Variants in MIEF2 observed in about 807,000 individuals in gnomAD.
MIEF2 encodes the protein mitochondrial elongation factor 2.
Under a neutral mutation model 7.4 loss-of-function variants are expected in MIEF2, and 1 was observed. The observed-to-expected ratio is 0.14, with a 90% CI of 0.05 to 0.64. The LOEUF is 0.64. Among genes scored for constraint, MIEF2 ranks in the 30% least tolerant of loss-of-function variants. The pLI is 0.85. For synonymous variants in MIEF2, 275 were observed against 290.5 expected, an observed-to-expected ratio of 0.95 and a Z score of 0.54; for missense variants, 569 against 623.9, an observed-to-expected ratio of 0.91 and a Z score of 0.94.
chr17:18,266,198 C>CT lies in MIEF2; in HGVS notation c.*1435dup, dbSNP rs559522985. 253 of 151,934 alleles carry CT rather than the reference C, an allele frequency of 1.7e-3. No homozygotes were observed. The highest frequency in any genetic ancestry group is 5.6e-3 in the African/African-American group (232 of 41,408). 9.4% of individuals were successfully genotyped at this position (151,934 alleles called of 1,614,324 possible). A position where few individuals can be genotyped will look rare whatever the true frequency, so the allele number is the denominator to read the frequency against. ...TCCAGACTGGCGACAGAGCAAGACT[C>CT]TGTCTCAAAAAAATAAATAAATAAG... On this transcript the variant is annotated 3_prime_UTR_variant, in exon 4 of 4. Transcript: ENST00000323019.
intron 1 of MIEF2, chr17:18,261,040 G>C (rs560643122): frequency 6.7e-7 from 1 of 1,486,286 alleles, no homozygotes; most frequent in African/African-American, 1.4e-5. Flanking sequence ...CCAGGGCCCC[G>C]CTGCGCAAAC....
intron 1 of MIEF2, chr17:18,261,085 C>A (rs1251852201): frequency 1.3e-6 from 2 of 1,550,260 alleles, no homozygotes; most frequent in Admixed American, 2.0e-5. Context: ...CCCTTTCCTG[C>A]TTCTCGGAGC....
rs773622162 is a variant in MIEF2 at position 18,263,235 on chromosome 17, G to A, written c.297G>A (p.Ser99=). 2.1e-5 allele frequency: 34 copies of A among 1,613,696 alleles called. No individual in the cohort carries two copies. The highest frequency in any genetic ancestry group is 1.6e-4 in the African/African-American group (12 of 74,926). Residue 99 remains serine (S), a synonymous_variant, in exon 3 of 4, where the codon TCG becomes TCA. Coordinates refer to ENST00000323019, the MANE Select transcript of MIEF2 (RefSeq NM_139162.4). ...LSQPVLPLAP[S]SSAPEGPAET... is the part of the protein sequence containing the mutation. ...AGCCAGTGTTGCCCTTGGCCCCCTC[G>A]TCGTCTGCCCCAGGTGAGTGGCACT...
At chr17:18,261,294 G>T in intron 1 of MIEF2, 1 of 1,107,530 alleles carries the variant, frequency 9.0e-7, no homozygotes, top group Admixed American at 2.1e-5. Flanking sequence ...CGGGTCACCC[G>T]GTTGGCCTGG....
In MIEF2 at chr17:18,261,309, G is replaced by A. The variant is rs977724029; in HGVS notation, c.-8+572G>A. 8.2e-5 allele frequency: 76 copies of A among 925,202 alleles called. No individual in the cohort carries two copies. The East Asian group carries it at 2.0e-3, about 24-fold the overall frequency. The allele number at this position is 925,202 out of a possible 1,614,324, so 57.3% of individuals were successfully genotyped here. On this transcript the variant is annotated intron_variant, in intron 1 of 3. Transcript: ENST00000323019. ...CGGGTCACCCGGTTGGCCTGGGATC[G>A]CCCCAGAGACCGTCTTATTTTTAGT...
At position 18,266,535 on chromosome 17, in the gene MIEF2, A is replaced by G. The variant is rs921316820; in HGVS notation, c.*1771A>G. The G allele has an allele frequency of 2.0e-5, 3 of 152,220 alleles. No individual in the cohort carries two copies. Among genetic ancestry groups the G allele is most frequent in the African/African-American group, 2.4e-5 (1 of 41,504 alleles). The allele number at this position is 152,220 out of a possible 1,614,324, so 9.4% of individuals were successfully genotyped here. ...GTCTCAAAATAAAATAAAATAAAAT[A>G]ATAATAGTAATAATAAATTAGCATC... On this transcript the variant is annotated 3_prime_UTR_variant, in exon 4 of 4. Transcript: ENST00000323019.
At chr17:18,263,064 A>C (rs1180553598) in intron 2 of MIEF2, 22 bp from the exon 3 acceptor site, 2 of 1,611,186 alleles carry the variant, frequency 1.2e-6, no homozygotes, top group Admixed American at 3.3e-5. Context: ...ATATACACTG[A>C]TCTGTGTGAC....
chr17:18,264,719 C>T lies in MIEF2; in HGVS notation c.1320C>T (p.Gly440=). The T allele has an allele frequency of 6.2e-7, 1 of 1,612,686 alleles. No individual in the cohort carries two copies. The highest frequency in any genetic ancestry group is 8.5e-7 in the Non-Finnish European group (1 of 1,180,004). ...SLREEEIDDI[G]YALYSGLQEP... ...GTGAGGAGGAGATTGACGACATTGGCTATGCGCTATACAGTGGCCTACAGG... is the reference window on the plus strand; with the variant it reads ...GTGAGGAGGAGATTGACGACATTGGTTATGCGCTATACAGTGGCCTACAGG... The change falls in exon 4 of 4, where the codon GGC becomes GGT. Residue 440 remains glycine, a synonymous_variant. Coordinates refer to ENST00000323019, the MANE Select transcript of MIEF2 (RefSeq NM_139162.4).
At chr17:18,262,124 T>A (rs2142902403) in intron 1 of MIEF2, among the ~76,000 whole-genome samples, 3 of 152,302 alleles carry the variant, frequency 2.0e-5, no homozygotes, top group Admixed American at 2.0e-4. Flanking sequence ...CTGTGCCCTC[T>A]GGGTAGGAAC....
rs1978693332 is a variant in MIEF2 at position 18,265,390 on chromosome 17, C to T, written c.*626C>T. 1 of 151,980 alleles carries T rather than the reference C, an allele frequency of 6.6e-6. No homozygotes were observed. The highest frequency in any genetic ancestry group is 1.5e-5 in the Non-Finnish European group (1 of 68,140). The allele number at this position is 151,980 out of a possible 1,614,324, so 9.4% of individuals were successfully genotyped here. ...ACCCACCTGATACCTCAGGGCAAGG[C>T]CCTTTTTCCCTCCAGCCAGGTGAGT... is the stretch of plus-strand genomic sequence containing the variant. On this transcript the variant is annotated 3_prime_UTR_variant, in exon 4 of 4. Transcript: ENST00000323019.
At chr17:18,263,653 GT>G in intron 3 of MIEF2, 56 bp from the exon 4 acceptor site, 1 of 1,486,448 alleles carries the variant, frequency 6.7e-7, no homozygotes. Flanking sequence ...TCTCGGTGGC[GT>G]TTTCTTAACT....
At position 18,264,175 on chromosome 17, in the gene MIEF2, G is replaced by A. The variant is rs112403499; in HGVS notation, c.776G>A (p.Arg259His). ...LSSRVLLELL[R>H]KALAASVNWP... ...TCCCGCGTCCTGCTGGAGCTACTCC[G>A]CAAGGCGCTGGCTGCTTCTGTCAAC... Residue 259 changes from arginine (R) to histidine (H), a missense_variant, in exon 4 of 4, where the codon CGC (arginine) becomes CAC (histidine). Transcript: ENST00000323019. 14 of 1,591,914 alleles carry A rather than the reference G, an allele frequency of 8.8e-6. No homozygotes were observed. In the African/African-American group the frequency reaches 1.2e-4, roughly 14 times the overall value.
rs1030544745 is a variant in MIEF2 at position 18,264,814 on chromosome 17, C to T, written c.*50C>T. 1.3e-6 allele frequency: 2 copies of T among 1,560,378 alleles called. No homozygotes were observed. Among genetic ancestry groups the T allele is most frequent in the South Asian group, 1.2e-5 (1 of 84,482 alleles). Reference sequence around the variant, plus strand: ...TGTTTTCTAATGCTGGGGAGCTGCACCCACCTCCCTTCCAGGGATTTGAAT... The same window carrying T: ...TGTTTTCTAATGCTGGGGAGCTGCATCCACCTCCCTTCCAGGGATTTGAAT... On this transcript the variant is annotated 3_prime_UTR_variant, in exon 4 of 4. Transcript: ENST00000323019.
intron 1 of MIEF2, 149 bp from the exon 2 acceptor site, chr17:18,262,565 T>A: frequency 1.4e-6 from 1 of 710,096 alleles, no homozygotes; most frequent in Non-Finnish European, 2.1e-6. Context: ...GGGTGGCCCC[T>A]TTCTCTGAGA....
Position 18,263,752 on chromosome 17 carries a change from G to C in MIEF2, c.353G>C (p.Ser118Thr). The C allele has an allele frequency of 6.2e-7, 1 of 1,600,818 alleles. No homozygotes were observed. The highest frequency in any genetic ancestry group is 1.3e-5 in the African/African-American group (1 of 74,832). Residue 118 changes from serine (S) to threonine (T), a missense_variant, in exon 4 of 4, where the codon AGC becomes ACC. Transcript: ENST00000323019. ...GATCCTGAGGTGACACCACAGCTCA[G>C]CTCCCCAGCACCGCTGTGTCTGACA... ...ETDPEVTPQL[S>T]SPAPLCLTLQ...
In MIEF2 at chr17:18,264,134, CG is replaced by C. The variant is rs1978598061; in HGVS notation, c.740del (p.Gly247AlafsTer32). ...GSSPWDRFLV[G>X]GYLSSRVLLE... ...GCAGCCCCTGGGACCGCTTCCTGGT[CG>C]GGGGCTACCTCTCCTCCCGCGTCCT... is the stretch of plus-strand genomic sequence containing the variant. On this transcript the variant is annotated frameshift_variant, in exon 4 of 4. Transcript: ENST00000323019. LOFTEE classifies it low-confidence loss of function (END_TRUNC). 1 of 1,558,162 alleles carries C rather than the reference CG, an allele frequency of 6.4e-7. No homozygotes were observed. Among genetic ancestry groups the C allele is most frequent in the Non-Finnish European group, 8.6e-7 (1 of 1,157,076 alleles).
In MIEF2 at chr17:18,263,952, G is replaced by T; in HGVS notation, c.553G>T (p.Gly185Trp). 1 of 1,589,312 alleles carries T rather than the reference G, an allele frequency of 6.3e-7. No homozygotes were observed. ...AFVPGGPLYD[G>W]LQAGAADHVR... ...CGTGCCTGGGGGGCCGCTCTACGACGGGCTGCAGGCGGGGGCTGCGGACCA... is the reference window on the plus strand; with the variant it reads ...CGTGCCTGGGGGGCCGCTCTACGACTGGCTGCAGGCGGGGGCTGCGGACCA... The change falls in exon 4 of 4, where the codon GGG (glycine) becomes TGG (tryptophan). Residue 185 changes from glycine to tryptophan, a missense_variant. Physicochemically the swap from Gly to Trp is radical, Grantham distance 184. Transcript: ENST00000323019.
At position 18,266,162 on chromosome 17, in the gene MIEF2, C is replaced by G. The variant is rs1978739596; in HGVS notation, c.*1398C>G. On this transcript the variant is annotated 3_prime_UTR_variant, in exon 4 of 4. Coordinates refer to ENST00000323019, the MANE Select transcript of MIEF2 (RefSeq NM_139162.4). ...TAGAGGTTGCAATGAGCTGAAATTG[C>G]ACCACTGCACTCCAGACTGGCGACA... 6.8e-6 allele frequency: 1 copy of G among 147,088 alleles called. No homozygotes were observed. Among genetic ancestry groups the G allele is most frequent in the Non-Finnish European group, 1.5e-5 (1 of 66,664 alleles). The allele number at this position is 147,088 out of a possible 1,614,324, so 9.1% of individuals were successfully genotyped here.
chr17:18,262,700 T>G lies in MIEF2; in HGVS notation c.-7-14T>G, dbSNP rs1256726255. ...TGCACCTGAGCTGCCCCTTCACCCC[T>G]GGCTCTCTTACAGGCAGACCATGGC... On this transcript the variant is annotated splice_polypyrimidine_tract_variant and intron_variant, in intron 1 of 3. Coordinates refer to ENST00000323019, the MANE Select transcript of MIEF2 (RefSeq NM_139162.4). The G allele has an allele frequency of 3.2e-6, 5 of 1,583,920 alleles. No individual in the cohort carries two copies. Among genetic ancestry groups the G allele is most frequent in the Non-Finnish European group, 4.3e-6 (5 of 1,163,658 alleles).
Sources: gnomAD v4.1 joint callset for allele counts (sites outside exome capture counted in the v4.1 genomes callset) on GRCh38, gnomAD v4.1.1 for gene constraint, MANE v1.5 for transcripts, NCBI Gene and HGNC (gene_info 2026-07-23, HGNC 2026-07-21) for gene names.